The following MAF variants were observed in gnomAD, a reference collection of about 807,000 sequenced individuals.
The protein encoded by MAF is MAF bZIP transcription factor.
MAF carries 10 observed loss-of-function variants against 22.0 expected under a neutral mutation model. The ratio of observed to expected loss-of-function variants is 0.45; its 90% CI spans 0.28 to 0.77. The LOEUF (loss-of-function observed/expected upper bound fraction) is 0.77. Among genes scored for constraint, MAF ranks in the 30% least tolerant of loss-of-function variants. MAF has a pLI of 0.12. For missense variants in MAF, 544 were observed against 548.4 expected (o/e 0.99, Z 0.08); for synonymous variants, 337 against 255.8 (o/e 1.32, Z -3.03).
the MAF span, among the ~76,000 whole-genome samples, chr16:79,547,409 A>T: frequency 3.3e-5 from 5 of 151,952 alleles, no homozygotes; most frequent in African/African-American, 1.2e-4. Context: ...CACACATACA[A>T]TCAGTTAATT....
chr16:79,341,949 C>G, the MAF span, among the ~76,000 whole-genome samples: 2 of 152,210 alleles, frequency 1.3e-5, no homozygotes, highest in Non-Finnish European at 2.9e-5. Context: ...GATGTGATCT[C>G]TCAACCACTG....
At chr16:79,490,414 G>A in the MAF span, among the ~76,000 whole-genome samples, 3 of 152,136 alleles carry the variant, frequency 2.0e-5, no homozygotes, top group Admixed American at 6.5e-5. Context: ...TGCTGTAGAG[G>A]GGATTCCTCT....
chr16:79,408,362 G>A, the MAF span, among the ~76,000 whole-genome samples: 1 of 152,086 alleles, frequency 6.6e-6, no homozygotes, highest in South Asian at 2.1e-4. Context: ...TTTTAGTAGA[G>A]ACGGGGTTTC....
At chr16:79,236,750 T>C in the MAF span, among the ~76,000 whole-genome samples, 10,571 of 151,900 alleles carry the variant, frequency 0.07, 560 homozygotes, top group Middle Eastern at 0.15. Context: ...GCATTCCCCA[T>C]TGAAGAAACA....
chr16:79,220,913 C>T, the MAF span, among the ~76,000 whole-genome samples: 1 of 152,160 alleles, frequency 6.6e-6, no homozygotes, highest in African/African-American at 2.4e-5. Flanking sequence ...TTAACCTTAC[C>T]GGGAGATGCC....
chr16:79,502,701 A>T, the MAF span, among the ~76,000 whole-genome samples: 1 of 22,178 alleles, frequency 4.5e-5, no homozygotes. Flanking sequence ...ATATAAATAT[A>T]AATATAAATA....
chr16:79,595,194 T>A, intron 1 of MAF: 1 of 1,042,876 alleles, frequency 9.6e-7, no homozygotes, highest in Non-Finnish European at 1.2e-6. Flanking sequence ...GAGGGGAGGT[T>A]TACTATTAAG....
At chr16:79,416,499 CAA>C in the MAF span, among the ~76,000 whole-genome samples, 1 of 139,998 alleles carries the variant, frequency 7.1e-6, no homozygotes. Flanking sequence ...GGTTAAATTG[CAA>C]AAAAAAAAAA....
chr16:79,298,391 G>A, the MAF span, among the ~76,000 whole-genome samples: 3 of 152,202 alleles, frequency 2.0e-5, no homozygotes, highest in Non-Finnish European at 2.9e-5. Flanking sequence ...CACTTTCTTC[G>A]CTGGGGATTA....
chr16:79,430,123 C>T, the MAF span, among the ~76,000 whole-genome samples: 3 of 152,328 alleles, frequency 2.0e-5, no homozygotes, highest in African/African-American at 7.2e-5. Flanking sequence ...CCTCCCGCTT[C>T]AGCTCTCCAC....
the MAF span, among the ~76,000 whole-genome samples, chr16:79,522,183 C>T: frequency 6.6e-6 from 1 of 152,160 alleles, no homozygotes; most frequent in Non-Finnish European, 1.5e-5. Flanking sequence ...GAAGGAGAGC[C>T]TGGGTTGAGA....
At chr16:79,285,406 A>G in the MAF span, among the ~76,000 whole-genome samples, 1 of 152,182 alleles carries the variant, frequency 6.6e-6, no homozygotes, top group South Asian at 2.1e-4. Context: ...CTTTAGGATT[A>G]GGGACGAGAA....
chr16:79,548,637 T>C, the MAF span, among the ~76,000 whole-genome samples: 1 of 152,224 alleles, frequency 6.6e-6, no homozygotes. Context: ...TTGTTTTATT[T>C]TGTGGATGGA....
At chr16:79,345,838 G>A in the MAF span, among the ~76,000 whole-genome samples, 26 of 151,240 alleles carry the variant, frequency 1.7e-4, no homozygotes, top group East Asian at 5.1e-3. Flanking sequence ...CATATTGCTG[G>A]AGATTTAGGT....
At chr16:79,485,173 C>G in the MAF span, among the ~76,000 whole-genome samples, 1 of 152,166 alleles carries the variant, frequency 6.6e-6, no homozygotes, top group Admixed American at 6.5e-5. Flanking sequence ...AGGCTGTGTT[C>G]AAACCCCACC....
chr16:79,504,471 A>C, the MAF span, among the ~76,000 whole-genome samples: 1 of 152,246 alleles, frequency 6.6e-6, no homozygotes, highest in South Asian at 2.1e-4. Flanking sequence ...GACAAAAACA[A>C]GTATCTTATT....
At chr16:79,340,835 C>T in the MAF span, among the ~76,000 whole-genome samples, 1 of 152,112 alleles carries the variant, frequency 6.6e-6, no homozygotes, top group Non-Finnish European at 1.5e-5. Flanking sequence ...CCCCCTCATT[C>T]CCCATCTTCC....
chr16:79,209,472 A>G, the MAF span, among the ~76,000 whole-genome samples: 1 of 152,204 alleles, frequency 6.6e-6, no homozygotes, highest in Non-Finnish European at 1.5e-5. Context: ...CCAGTCTGTC[A>G]TGACGTTTGA....
chr16:79,293,744 C>A, the MAF span, among the ~76,000 whole-genome samples: 1 of 152,008 alleles, frequency 6.6e-6, no homozygotes, highest in Non-Finnish European at 1.5e-5. Flanking sequence ...AGGGGAAAGG[C>A]AACTTTATCA....
Sources: gnomAD v4.1 joint callset for allele counts (sites outside exome capture counted in the v4.1 genomes callset) on GRCh38, gnomAD v4.1.1 for gene constraint, MANE v1.5 for transcripts, NCBI Gene and HGNC (gene_info 2026-07-23, HGNC 2026-07-21) for gene names.